Variants in SH3BP5 observed in about 807,000 individuals in gnomAD.
The protein encoded by SH3BP5 is SH3 domain binding protein 5.
Under a neutral mutation model 43.3 loss-of-function variants are expected in SH3BP5, and 22 were observed. The observed-to-expected ratio is 0.51, with a 90% confidence interval of 0.36 to 0.73. The LOEUF is 0.73. Ranked by LOEUF, SH3BP5 falls within the 30% of genes least tolerant of loss-of-function variation. The probability of loss-of-function intolerance (pLI) is 0.00; values close to 1 mark genes in which losing one functional copy is unlikely to be tolerated. For synonymous variants in SH3BP5, 255 were observed against 225.8 expected, an observed-to-expected ratio of 1.13 and a Z score of -1.16; for missense variants, 529 against 586.9, an observed-to-expected ratio of 0.90 and a Z score of 1.02.
intron 6 of SH3BP5, 91 bp downstream of exon 6, chr3:15,259,670 A>G (rs1406304991): frequency 8.7e-7 from 1 of 1,151,134 alleles, no homozygotes; most frequent in Non-Finnish European, 1.3e-6. Flanking sequence ...CCTTATAGCA[A>G]GTGGCCCATG....
chr3:15,299,481 AGAT>A (rs1697669193), intron 3 of SH3BP5, among the ~76,000 whole-genome samples: 1 of 127,732 alleles, frequency 7.8e-6, no homozygotes, highest in Admixed American at 8.8e-5. Context: ...CTCAACAATT[AGAT>A]TTTTTTTTTT....
upstream of SH3BP5, among the ~76,000 whole-genome samples, chr3:15,336,671 G>T (rs1242985442): frequency 6.6e-6 from 1 of 152,152 alleles, no homozygotes; most frequent in Non-Finnish European, 1.5e-5. Flanking sequence ...TAATCGCCAG[G>T]TTGCGCTAAG....
chr3:15,337,083 A>AGTTTTTTT (rs1559465296), upstream of SH3BP5, among the ~76,000 whole-genome samples: 1 of 96,346 alleles, frequency 1.0e-5, no homozygotes. Flanking sequence ...TTTTTAGTTT[A>AGTTTTTTT]GTTTTTTTTT....
At chr3:15,313,902 G>C (rs1362007521) in intron 2 of SH3BP5, among the ~76,000 whole-genome samples, 1 of 152,066 alleles carries the variant, frequency 6.6e-6, no homozygotes, top group Non-Finnish European at 1.5e-5. Context: ...AAGAGTTTGA[G>C]ACCAGGCTGG....
chr3:15,322,898 T>G (rs1035536321), intron 2 of SH3BP5, among the ~76,000 whole-genome samples: 1 of 151,906 alleles, frequency 6.6e-6, no homozygotes, highest in Non-Finnish European at 1.5e-5. Context: ...TACTAGCACT[T>G]TGGGAGGCTG....
chr3:15,257,687 A>G (rs1353795497), intron 7 of SH3BP5: 1 of 152,462 alleles, frequency 6.6e-6, no homozygotes, highest in African/African-American at 2.4e-5. Flanking sequence ...ATCCTTTACA[A>G]TGCTCTGTAG....
chr3:15,305,710 T>C (rs1161737785), intron 2 of SH3BP5, among the ~76,000 whole-genome samples: 1 of 152,050 alleles, frequency 6.6e-6, no homozygotes, highest in Non-Finnish European at 1.5e-5. Context: ...CAGCATGGTG[T>C]CTGCAAGAAA....
intron 2 of SH3BP5, among the ~76,000 whole-genome samples, chr3:15,327,947 G>A (rs942236970): frequency 3.9e-5 from 6 of 152,190 alleles, no homozygotes; most frequent in East Asian, 3.8e-4. Context: ...GCAAGTCCAC[G>A]TTGAAATTGT....
At chr3:15,325,444 C>T (rs1164236219) in intron 2 of SH3BP5, among the ~76,000 whole-genome samples, 2 of 152,210 alleles carry the variant, frequency 1.3e-5, no homozygotes, top group Non-Finnish European at 2.9e-5. Context: ...GTTCTTCCCC[C>T]ACATGGCCTG....
chr3:15,315,873 C>T (rs1698172241), intron 2 of SH3BP5, among the ~76,000 whole-genome samples: 2 of 152,150 alleles, frequency 1.3e-5, no homozygotes, highest in Admixed American at 6.5e-5. Context: ...AAGATGCAGA[C>T]ACCATGCCCC....
chr3:15,324,428 G>A (rs1698409256), intron 2 of SH3BP5, among the ~76,000 whole-genome samples: 1 of 152,180 alleles, frequency 6.6e-6, no homozygotes, highest in African/African-American at 2.4e-5. Context: ...GCCCCACACA[G>A]GATTTGCTGC....
At chr3:15,300,992 G>A (rs1376590970) in intron 3 of SH3BP5, among the ~76,000 whole-genome samples, 1 of 152,140 alleles carries the variant, frequency 6.6e-6, no homozygotes, top group East Asian at 1.9e-4. Context: ...CACTAGCCAA[G>A]AGAAGGGATG....
At chr3:15,267,258 C>T (rs1029987534) in intron 4 of SH3BP5, among the ~76,000 whole-genome samples, 1 of 152,214 alleles carries the variant, frequency 6.6e-6, no homozygotes, top group Non-Finnish European at 1.5e-5. Context: ...TCAAAGCCAA[C>T]CATGCAAGTG....
At chr3:15,303,549 C>T (rs1238020541) in intron 3 of SH3BP5, among the ~76,000 whole-genome samples, 4 of 152,170 alleles carry the variant, frequency 2.6e-5, no homozygotes, top group African/African-American at 7.2e-5. Flanking sequence ...CAGTCCCCTC[C>T]GCCACTCCCC....
chr3:15,314,631 C>T (rs762081111), intron 2 of SH3BP5, among the ~76,000 whole-genome samples: 5 of 152,222 alleles, frequency 3.3e-5, no homozygotes, highest in Admixed American at 6.5e-5. Context: ...AGCCACAACA[C>T]TCCTGCTCAT....
chr3:15,319,923 T>C (rs13321460), intron 2 of SH3BP5, among the ~76,000 whole-genome samples: 2,833 of 152,206 alleles, frequency 0.019, 82 homozygotes, highest in African/African-American at 0.063. Context: ...CCACAAATCA[T>C]AGGCAAAATA....
At chr3:15,310,942 T>C (rs1456691010) in intron 2 of SH3BP5, among the ~76,000 whole-genome samples, 4 of 152,144 alleles carry the variant, frequency 2.6e-5, no homozygotes, top group African/African-American at 7.2e-5. Context: ...AGCATGCAGG[T>C]TGAACATGAA....
chr3:15,294,019 A>T (rs1237715021), intron 3 of SH3BP5, among the ~76,000 whole-genome samples: 2 of 149,106 alleles, frequency 1.3e-5, no homozygotes, highest in Non-Finnish European at 3.0e-5. Flanking sequence ...CAGAGGTTGC[A>T]GTGAGCCGAG....
At chr3:15,265,559 C>CACACACA (rs1285577992) in intron 4 of SH3BP5, among the ~76,000 whole-genome samples, 5 of 142,932 alleles carry the variant, frequency 3.5e-5, no homozygotes, top group Admixed American at 6.9e-5. Flanking sequence ...CACACACACA[C>CACACACA]AACCCTCCAG....
Sources: allele counts gnomAD v4.1 joint callset (sites outside exome capture counted in the v4.1 genomes callset), GRCh38; gene constraint gnomAD v4.1.1; transcripts MANE v1.5; gene names NCBI Gene and HGNC (gene_info 2026-07-23, HGNC 2026-07-21).